The following PALM2AKAP2 variants were observed in gnomAD, a reference collection of about 807,000 sequenced individuals.
PALM2AKAP2 encodes PALM2-AKAP2 fusion protein.
In PALM2AKAP2, 37 loss-of-function variants were observed where a neutral mutation model predicts 71.5. The observed-to-expected ratio is 0.52, with a 90% CI of 0.40 to 0.68. The LOEUF (loss-of-function observed/expected upper bound fraction) is 0.68. PALM2AKAP2 is among the 30% of genes least tolerant of loss of function. The probability of loss-of-function intolerance (pLI) is 0.00; values close to 1 mark genes in which losing one functional copy is unlikely to be tolerated. For missense variants in PALM2AKAP2, 1,224 were observed against 1,191.8 expected, an observed-to-expected ratio of 1.03 and a Z score of -0.40; for synonymous variants, 468 against 478.8, an observed-to-expected ratio of 0.98 and a Z score of 0.29.
intron 1 of PALM2AKAP2, among the ~76,000 whole-genome samples, chr9:110,068,657 G>A (rs1054555362): frequency 6.6e-5 from 10 of 151,864 alleles, no homozygotes; most frequent in African/African-American, 2.2e-4. Flanking sequence ...TCAGCCTCCC[G>A]AGTAGCTGAG....
At chr9:109,905,369 C>A (rs1478795282) in intron 3 of PALM2AKAP2, among the ~76,000 whole-genome samples, 1 of 149,680 alleles carries the variant, frequency 6.7e-6, no homozygotes, top group African/African-American at 2.5e-5. Flanking sequence ...GATACAGATA[C>A]TTCTGCCTCA....
At chr9:109,641,500 C>T (rs1490216370) in intron 1 of PALM2AKAP2, among the ~76,000 whole-genome samples, 2 of 152,216 alleles carry the variant, frequency 1.3e-5, no homozygotes, top group African/African-American at 4.8e-5. Context: ...GTGGGGAAGA[C>T]AAGAGAGGCA....
At position 110,063,540 on chromosome 9, in the gene PALM2AKAP2, A is replaced by T. The variant is rs1187428794; in HGVS notation, c.156+14685A>T. Among the ~76,000 whole-genome samples the T allele has an allele frequency of 2.6e-5, 4 of 151,958 alleles. No individual in the cohort carries two copies. The East Asian group carries it at 7.8e-4, about 30-fold the overall frequency. On this transcript the variant is annotated intron_variant, in intron 1 of 3. Transcript: ENST00000374525. ...CTGCAAACTCTGCCTCCCAGGTTCA[A>T]GTGATTCTCCTGCCTCAGCCTCCCA...
At chr9:109,920,729 G>A (rs1830809764) in intron 3 of PALM2AKAP2, among the ~76,000 whole-genome samples, 1 of 151,958 alleles carries the variant, frequency 6.6e-6, no homozygotes, top group Non-Finnish European at 1.5e-5. Context: ...AAAGTACTCT[G>A]TACTTTGAGA....
chr9:109,730,925 T>A lies in PALM2AKAP2; in HGVS notation c.6-49563T>A, dbSNP rs1482294890. ...CAGTGGAAAAAAAAAAAGGATAACA[T>A]AACATCCCTTATACTAATTAACAAA... is the stretch of plus-strand genomic sequence containing the variant. On this transcript the variant is annotated intron_variant, in intron 1 of 6. Transcript: ENST00000374531. Among the ~76,000 whole-genome samples the A allele has an allele frequency of 2.6e-5, 4 of 151,466 alleles. No individual in the cohort carries two copies. In the East Asian group the frequency reaches 7.7e-4, roughly 29 times the overall value.
At chr9:110,080,687 G>C (rs1834431037) in intron 1 of PALM2AKAP2, among the ~76,000 whole-genome samples, 1 of 152,058 alleles carries the variant, frequency 6.6e-6, no homozygotes, top group East Asian at 1.9e-4. Flanking sequence ...TTGTTTGTTT[G>C]TTTGTTTTTG....
exon 4 of PALM2AKAP2, chr9:110,168,800 A>G (rs1271155732): frequency 3.6e-6 from 1 of 279,274 alleles, no homozygotes; most frequent in Non-Finnish European, 6.8e-6. Context: ...GCAAATCAAC[A>G]TAGTTGCTGC....
chr9:110,164,366 TATTG>T (rs1217694876), intron 3 of PALM2AKAP2, among the ~76,000 whole-genome samples: 4 of 152,196 alleles, frequency 2.6e-5, no homozygotes, highest in Non-Finnish European at 5.9e-5. Flanking sequence ...AAATTTTCTA[TATTG>T]ATTGCTTTCA....
intron 2 of PALM2AKAP2, among the ~76,000 whole-genome samples, chr9:109,878,833 G>A (rs1169358492): frequency 6.6e-6 from 1 of 152,208 alleles, no homozygotes; most frequent in Non-Finnish European, 1.5e-5. Flanking sequence ...TGCCCCCCAG[G>A]TTCTAGTGAT....
chr9:110,101,454 TTAA>T (rs1232946554), intron 1 of PALM2AKAP2, among the ~76,000 whole-genome samples: 1 of 152,086 alleles, frequency 6.6e-6, no homozygotes, highest in Non-Finnish European at 1.5e-5. Flanking sequence ...GGGAAATATA[TTAA>T]TATCAGTAAG....
chr9:109,835,340 A>G (rs978575077), intron 1 of PALM2AKAP2, among the ~76,000 whole-genome samples: 1 of 137,830 alleles, frequency 7.3e-6, no homozygotes, highest in African/African-American at 2.7e-5. Flanking sequence ...GGGTGGAGGG[A>G]TAGAGGAAAG....
chr9:109,745,021 C>A (rs1828777166), intron 1 of PALM2AKAP2, among the ~76,000 whole-genome samples: 1 of 152,162 alleles, frequency 6.6e-6, no homozygotes, highest in Non-Finnish European at 1.5e-5. Context: ...TCAGCCCAGG[C>A]ACCAAGCAAC....
chr9:110,150,207 C>A (rs771087147), intron 2 of PALM2AKAP2, among the ~76,000 whole-genome samples: 1 of 152,210 alleles, frequency 6.6e-6, no homozygotes. Context: ...CAGCAGAAAC[C>A]GACCATTCTG....
At chr9:110,036,305 A>G (rs1462497121) in intron 7 of PALM2AKAP2, among the ~76,000 whole-genome samples, 1 of 152,172 alleles carries the variant, frequency 6.6e-6, no homozygotes, top group African/African-American at 2.4e-5. Context: ...GAACCCGTTA[A>G]TAAGAACACT....
intron 1 of PALM2AKAP2, among the ~76,000 whole-genome samples, chr9:109,711,126 C>T (rs1051698257): frequency 2.0e-5 from 3 of 151,600 alleles, no homozygotes; most frequent in African/African-American, 4.9e-5. Context: ...ACATTGTTGC[C>T]CTTGCCAGAC....
At chr9:110,096,979 A>G (rs1017069969) in intron 1 of PALM2AKAP2, among the ~76,000 whole-genome samples, 9 of 146,252 alleles carry the variant, frequency 6.2e-5, no homozygotes, top group Non-Finnish European at 1.4e-4. Context: ...TTTATTGATC[A>G]TTCTTGGGTG....
chr9:109,799,784 C>A (rs10816874), intron 1 of PALM2AKAP2, among the ~76,000 whole-genome samples: 1 of 152,078 alleles, frequency 6.6e-6, no homozygotes, highest in Admixed American at 6.5e-5. Context: ...CATGAACCAC[C>A]GCGTCGGCCA....
intron 1 of PALM2AKAP2, among the ~76,000 whole-genome samples, chr9:109,693,263 G>A (rs1444206581): frequency 6.6e-6 from 1 of 151,810 alleles, no homozygotes; most frequent in Non-Finnish European, 1.5e-5. Flanking sequence ...TTGTCACAAA[G>A]TTTTCTTGCA....
intron 2 of PALM2AKAP2, among the ~76,000 whole-genome samples, chr9:110,141,559 A>T (rs1164024703): frequency 6.6e-6 from 1 of 152,210 alleles, no homozygotes; most frequent in Non-Finnish European, 1.5e-5. Flanking sequence ...CAAGTTCATG[A>T]TCGGGGAGAA....
Sources: allele counts gnomAD v4.1 joint callset (sites outside exome capture counted in the v4.1 genomes callset), GRCh38; gene constraint gnomAD v4.1.1; transcripts MANE v1.5; gene names NCBI Gene and HGNC (gene_info 2026-07-23, HGNC 2026-07-21).